Variants in HNF4G observed in about 807,000 individuals in gnomAD.
HNF4G encodes the protein hepatocyte nuclear factor 4-gamma.
Under a neutral mutation model 50.9 loss-of-function variants are expected in HNF4G, and 21 were observed. The observed-to-expected ratio is 0.41, with a 90% CI of 0.29 to 0.59. The LOEUF is 0.59. HNF4G is among the 20% of genes least tolerant of loss of function. The pLI is 0.26. For synonymous variants in HNF4G, 198 were observed against 185.6 expected (o/e 1.07, Z -0.54); for missense variants, 527 against 559.4 (o/e 0.94, Z 0.58).
intron 1 of HNF4G, among the ~76,000 whole-genome samples, chr8:75,424,733 G>A (rs2926597): frequency 0.76 from 115,735 of 151,672 alleles, 44,541 homozygotes; most frequent in Middle Eastern, 0.84. Flanking sequence ...TCTTTTTTAA[G>A]TGGCTGCATA....
chr8:75,410,181 A>T (rs1053798638), intron 1 of HNF4G, among the ~76,000 whole-genome samples: 1 of 152,196 alleles, frequency 6.6e-6, no homozygotes, highest in Non-Finnish European at 1.5e-5. Context: ...ATATCTATGT[A>T]CATTATCTTT....
At chr8:75,431,359 CA>C (rs1554568021) in intron 1 of HNF4G, among the ~76,000 whole-genome samples, 1 of 152,026 alleles carries the variant, frequency 6.6e-6, no homozygotes, top group Non-Finnish European at 1.5e-5. Flanking sequence ...ATTCACATAA[CA>C]AAACAAATCT....
At chr8:75,512,450 C>CTAT (rs67502734) in intron 2 of HNF4G, among the ~76,000 whole-genome samples, 35,002 of 146,718 alleles carry the variant, frequency 0.24, 4,568 homozygotes, top group African/African-American at 0.34. Flanking sequence ...ATTACTATTA[C>CTAT]TATTATTATT....
chr8:75,543,661 G>T, intron 1 of HNF4G, 150 bp from the exon 2 acceptor site: 1 of 576,346 alleles, frequency 1.7e-6, no homozygotes. Flanking sequence ...TAGAACGGAA[G>T]CAGCCAGCCA....
intron 9 of HNF4G, among the ~76,000 whole-genome samples, chr8:75,562,046 C>T (rs186383633): frequency 3.1e-4 from 47 of 152,262 alleles, no homozygotes; most frequent in Non-Finnish European, 6.5e-4. Flanking sequence ...TACTAACTCA[C>T]TGAGATGACT....
intron 1 of HNF4G, among the ~76,000 whole-genome samples, chr8:75,476,966 C>T (rs150452403): frequency 6.6e-6 from 1 of 152,248 alleles, no homozygotes; most frequent in African/African-American, 2.4e-5. Context: ...TAAGTATAAA[C>T]ATTTTGTTTA....
intron 1 of HNF4G, among the ~76,000 whole-genome samples, chr8:75,448,444 A>AAAT (rs113115130): frequency 8.2e-6 from 1 of 121,496 alleles, no homozygotes; most frequent in Non-Finnish European, 1.6e-5. Context: ...AAAAAAAAAA[A>AAAT]GTGTCAGACA....
intron 1 of HNF4G, among the ~76,000 whole-genome samples, chr8:75,411,499 C>T (rs1358775057): frequency 6.6e-6 from 1 of 152,138 alleles, no homozygotes; most frequent in East Asian, 1.9e-4. Context: ...CTGTTCTTCC[C>T]TACCTTATAT....
At chr8:75,544,634 T>C (rs189625211) in intron 2 of HNF4G, among the ~76,000 whole-genome samples, 10 of 129,842 alleles carry the variant, frequency 7.7e-5, no homozygotes, top group Non-Finnish European at 1.4e-4. Context: ...GCATTTCCAG[T>C]AGGCTGTTTT....
At chr8:75,450,086 C>T (rs1811551477) in intron 1 of HNF4G, among the ~76,000 whole-genome samples, 1 of 152,168 alleles carries the variant, frequency 6.6e-6, no homozygotes, top group African/African-American at 2.4e-5. Context: ...TTAGAGTCCA[C>T]ACAGAAGTGT....
chr8:75,412,571 G>A (rs916932292), intron 1 of HNF4G, among the ~76,000 whole-genome samples: 5 of 152,128 alleles, frequency 3.3e-5, no homozygotes, highest in African/African-American at 1.2e-4. Context: ...TTATTTAATA[G>A]TAGGATATCA....
At chr8:75,473,651 C>A (rs577483475) in intron 1 of HNF4G, among the ~76,000 whole-genome samples, 1 of 152,158 alleles carries the variant, frequency 6.6e-6, no homozygotes, top group Admixed American at 6.6e-5. Flanking sequence ...CTGACTGTCT[C>A]CATCATCCAC....
intron 1 of HNF4G, among the ~76,000 whole-genome samples, chr8:75,469,105 G>C (rs1812056898): frequency 6.6e-6 from 1 of 152,184 alleles, no homozygotes; most frequent in Non-Finnish European, 1.5e-5. Flanking sequence ...TTCTGATTTG[G>C]CTTCAGGTCT....
intron 1 of HNF4G, among the ~76,000 whole-genome samples, chr8:75,421,541 G>A (rs1053878481): frequency 6.6e-6 from 1 of 152,198 alleles, no homozygotes; most frequent in Admixed American, 6.5e-5. Flanking sequence ...GATAAATAGG[G>A]TTGACAGGGG....
At chr8:75,424,135 ATG>A (rs1810840675) in intron 1 of HNF4G, among the ~76,000 whole-genome samples, 1 of 151,738 alleles carries the variant, frequency 6.6e-6, no homozygotes, top group African/African-American at 2.4e-5. Context: ...CCAGTTTCTT[ATG>A]TGTGTGTGTT....
chr8:75,560,080 G>T (rs59845720), intron 8 of HNF4G, among the ~76,000 whole-genome samples: 2 of 152,070 alleles, frequency 1.3e-5, no homozygotes, highest in Non-Finnish European at 2.9e-5. Flanking sequence ...AACAGGCAGC[G>T]AACCTAATGA....
At chr8:75,420,488 C>A (rs1274095073) in intron 1 of HNF4G, among the ~76,000 whole-genome samples, 1 of 152,222 alleles carries the variant, frequency 6.6e-6, no homozygotes, top group Non-Finnish European at 1.5e-5. Flanking sequence ...TCTTTGACCC[C>A]TGAAGTTTTA....
intron 1 of HNF4G, among the ~76,000 whole-genome samples, chr8:75,432,869 G>T (rs1563504111): frequency 6.6e-6 from 1 of 152,158 alleles, no homozygotes. Flanking sequence ...GGGACCATCA[G>T]CTGGAATTCT....
At chr8:75,443,783 A>C (rs1237608692) in intron 1 of HNF4G, among the ~76,000 whole-genome samples, 11 of 152,212 alleles carry the variant, frequency 7.2e-5, no homozygotes, top group Admixed American at 3.9e-4. Flanking sequence ...ATAAATCAGT[A>C]AGTTGTAATT....
Sources: allele counts gnomAD v4.1 joint callset (sites outside exome capture counted in the v4.1 genomes callset), GRCh38; gene constraint gnomAD v4.1.1; transcripts MANE v1.5; gene names NCBI Gene and HGNC (gene_info 2026-07-23, HGNC 2026-07-21).